The following RIMS1 variants were observed in gnomAD, a reference collection of about 807,000 sequenced individuals.
RIMS1 encodes the protein regulating synaptic membrane exocytosis protein 1.
RIMS1 carries 83 observed loss-of-function variants against 214.1 expected under a neutral mutation model. The ratio of observed to expected loss-of-function variants is 0.39; its 90% CI spans 0.32 to 0.47. The LOEUF (loss-of-function observed/expected upper bound fraction) is 0.47, where lower values mean the gene tolerates loss of function less well. Ranked by LOEUF, RIMS1 falls within the 20% of genes least tolerant of loss-of-function variation. The probability of loss-of-function intolerance (pLI) is 0.99; values close to 1 mark genes in which losing one functional copy is unlikely to be tolerated. For synonymous variants in RIMS1, 793 were observed against 786.8 expected (o/e 1.01, Z -0.13); for missense variants, 2,050 against 2,161.8 (o/e 0.95, Z 1.03).
At chr6:71,976,928 G>C (rs1026288510) in intron 2 of RIMS1, among the ~76,000 whole-genome samples, 1 of 152,012 alleles carries the variant, frequency 6.6e-6, no homozygotes, top group Admixed American at 6.6e-5. Flanking sequence ...AAGTGTGAAT[G>C]GGTCTTTGAT....
chr6:72,097,109 C>G lies in RIMS1; in HGVS notation c.406C>G (p.Arg136Gly), dbSNP rs1044390019. Reference protein sequence around the residue: ...DGCGHLCSYCRTKFCARCGGR... With the variant: ...DGCGHLCSYCGTKFCARCGGR... ...GTGCGGTCATCTCTGCTCCTATTGTCGCACTAAGTTCTGTGCGCGCTGCGG... is the reference window on the plus strand; with the variant it reads ...GTGCGGTCATCTCTGCTCCTATTGTGGCACTAAGTTCTGTGCGCGCTGCGG... Residue 136 changes from arginine to glycine, a missense_variant, in exon 3 of 34, where the codon CGC becomes GGC. Transcript: ENST00000521978. 1 of 1,613,880 alleles carries G rather than the reference C, an allele frequency of 6.2e-7. No homozygotes were observed. Among genetic ancestry groups the G allele is most frequent in the South Asian group, 1.1e-5 (1 of 91,080 alleles).
chr6:72,191,463 C>T (rs2050061136), intron 6 of RIMS1, among the ~76,000 whole-genome samples: 1 of 152,210 alleles, frequency 6.6e-6, no homozygotes, highest in Non-Finnish European at 1.5e-5. Flanking sequence ...ACTTCATGCT[C>T]ACAGGATCCA....
chr6:72,203,162 T>C (rs1018310610), intron 6 of RIMS1, among the ~76,000 whole-genome samples: 3 of 152,086 alleles, frequency 2.0e-5, no homozygotes, highest in African/African-American at 7.2e-5. Flanking sequence ...TAATTTTTTG[T>C]ATTTTTAATA....
chr6:72,307,371 G>A lies in RIMS1; in HGVS notation c.3963+1G>A. 6.4e-7 allele frequency: 1 copy of A among 1,556,132 alleles called. No individual in the cohort carries two copies. Among genetic ancestry groups the A allele is most frequent in the Non-Finnish European group, 8.8e-7 (1 of 1,137,718 alleles). On this transcript the variant is annotated splice_donor_variant, in intron 27 of 33. Coordinates refer to ENST00000521978, the MANE Select transcript of RIMS1 (RefSeq NM_014989.7). LOFTEE classifies it high-confidence loss of function. ...ACTTGATCGCGAGCAATATTCCAAG[G>A]TAAAATTAGTAGTATCCAACAAATA...
chr6:71,924,107 C>T (rs2150799036), intron 1 of RIMS1, among the ~76,000 whole-genome samples: 1 of 152,264 alleles, frequency 6.6e-6, no homozygotes, highest in Non-Finnish European at 1.5e-5. Context: ...TTGCATGTTT[C>T]ACACTTGAAG....
rs183177234 is a variant in RIMS1, at chr6:72,125,649, G to A, written c.471+25663G>A. Among the ~76,000 whole-genome samples, 4 of 152,314 alleles carry A rather than the reference G, an allele frequency of 2.6e-5. No individual in the cohort carries two copies. The South Asian group carries it at 6.2e-4, about 24-fold the overall frequency. ...AGCTGCAGTGGGGTCCACCCAGTTC[G>A]AGCTTCCTGGATGCTTTGTTTAACT... On this transcript the variant is annotated intron_variant, in intron 4 of 33. Transcript: ENST00000521978.
intron 1 of RIMS1, among the ~76,000 whole-genome samples, chr6:71,892,043 G>C (rs960896): frequency 2.6e-5 from 4 of 152,166 alleles, no homozygotes; most frequent in African/African-American, 7.2e-5. Context: ...TTGGTCCTGT[G>C]AGTTGGGTAT....
chr6:72,366,588 C>T (rs2098031154), intron 29 of RIMS1: 3 of 643,858 alleles, frequency 4.7e-6, no homozygotes, highest in Non-Finnish European at 5.8e-6. Context: ...AGTGATGTTA[C>T]ACTTCATGGT....
intron 4 of RIMS1, among the ~76,000 whole-genome samples, chr6:72,113,760 G>C (rs2036551490): frequency 6.6e-6 from 1 of 151,968 alleles, no homozygotes. Context: ...GTGAAATTCA[G>C]TGAGTTTGTA....
At chr6:72,364,741 G>A (rs2097931059) in intron 29 of RIMS1, among the ~76,000 whole-genome samples, 1 of 152,172 alleles carries the variant, frequency 6.6e-6, no homozygotes, top group Admixed American at 6.6e-5. Flanking sequence ...AAAATACGGT[G>A]TTTAATTATC....
rs1464985348 is a variant in RIMS1 at position 72,300,322 on chromosome 6, T to C, written c.3851-6936T>C. On this transcript the variant is annotated intron_variant, in intron 26 of 33. Transcript: ENST00000521978. ...GAGAGACCTAATTGAGGAAAACAAA[T>C]GTCTAACCATGGACAGGCTCTTTGA... 4.6e-5 allele frequency among the ~76,000 whole-genome samples: 7 copies of C among 151,812 alleles called. No individual in the cohort carries two copies. In the East Asian group the frequency reaches 5.8e-4, roughly 13 times the overall value.
chr6:72,067,146 T>C (rs1829512871), intron 2 of RIMS1, among the ~76,000 whole-genome samples: 1 of 152,190 alleles, frequency 6.6e-6, no homozygotes, highest in Non-Finnish European at 1.5e-5. Flanking sequence ...GCCAGAGTGA[T>C]CATGTACATC....
chr6:71,963,109 T>C (rs958122548), intron 1 of RIMS1, among the ~76,000 whole-genome samples: 1 of 152,166 alleles, frequency 6.6e-6, no homozygotes, highest in South Asian at 2.1e-4. Context: ...ATCAATGATA[T>C]TGAAACACGT....
intron 4 of RIMS1, among the ~76,000 whole-genome samples, chr6:72,139,493 A>G (rs1388350151): frequency 6.6e-6 from 1 of 152,158 alleles, no homozygotes; most frequent in East Asian, 1.9e-4. Context: ...TACATTTCAT[A>G]TAGCACTACC....
intron 9 of RIMS1, among the ~76,000 whole-genome samples, chr6:72,240,887 A>C (rs1205776111): frequency 6.6e-6 from 1 of 151,948 alleles, no homozygotes; most frequent in Non-Finnish European, 1.5e-5. Context: ...GTGGTGGTGC[A>C]TGCTTGTAAT....
intron 4 of RIMS1, among the ~76,000 whole-genome samples, chr6:72,153,861 C>A: frequency 6.6e-6 from 1 of 152,152 alleles, no homozygotes; most frequent in African/African-American, 2.4e-5. Context: ...CCTATATAAA[C>A]TTTTTTATAG....
At chr6:72,249,493 A>G (rs1455009302) in intron 12 of RIMS1, among the ~76,000 whole-genome samples, 1 of 152,124 alleles carries the variant, frequency 6.6e-6, no homozygotes, top group Non-Finnish European at 1.5e-5. Context: ...TAATAGTTTA[A>G]TTCTAAAAAT....
chr6:72,238,155 G>C (rs2065082312), intron 9 of RIMS1, among the ~76,000 whole-genome samples: 1 of 151,820 alleles, frequency 6.6e-6, no homozygotes, highest in South Asian at 2.1e-4. Flanking sequence ...GGAGAGTAAG[G>C]GTAGGAATCT....
chr6:72,201,457 C>T (rs1391433867), intron 6 of RIMS1, among the ~76,000 whole-genome samples: 2 of 152,094 alleles, frequency 1.3e-5, no homozygotes, highest in Non-Finnish European at 1.5e-5. Context: ...GTTTTTGACC[C>T]ATTTTATCCA....
Sources: allele counts gnomAD v4.1 joint callset (sites outside exome capture counted in the v4.1 genomes callset), GRCh38; gene constraint gnomAD v4.1.1; transcripts MANE v1.5; gene names NCBI Gene and HGNC (gene_info 2026-07-23, HGNC 2026-07-21).